GMNC: variants seen among roughly 807,000 people sequenced by gnomAD.
GMNC encodes geminin coiled-coil domain containing.
Under a neutral mutation model 33.6 loss-of-function variants are expected in GMNC, and 16 were observed. The observed-to-expected ratio is 0.48, with a 90% CI of 0.32 to 0.72. The LOEUF (loss-of-function observed/expected upper bound fraction) is 0.72. Ranked by LOEUF, GMNC falls within the 30% of genes least tolerant of loss-of-function variation. The pLI, the probability that GMNC is intolerant of heterozygous loss-of-function variation, is 0.03. For missense variants in GMNC, 393 were observed against 388.9 expected (o/e 1.01, Z -0.09); for synonymous variants, 156 against 147.3 (o/e 1.06, Z -0.43).
rs1284379756 is a variant in GMNC at position 190,858,973 on chromosome 3, T to A, written c.222A>T (p.Ser74=). ...GAGAGGAAAGCTGAGCCTCTTCCCATGAGCACAAGTCCGGAAGAGGAAAAT... is the reference window on the plus strand; with the variant it reads ...GAGAGGAAAGCTGAGCCTCTTCCCAAGAGCACAAGTCCGGAAGAGGAAAAT... ...DSNFPLPDLC[S]WEEAQLSSQL... Residue 74 remains serine (S), a synonymous_variant, in exon 3 of 5, where the codon TCA becomes TCT. Coordinates refer to ENST00000442080, the MANE Select transcript of GMNC (RefSeq NM_001146686.3). 6.4e-7 allele frequency: 1 copy of A among 1,550,594 alleles called. No individual in the cohort carries two copies. The highest frequency in any genetic ancestry group is 8.7e-7 in the Non-Finnish European group (1 of 1,146,206).
downstream of GMNC, among the ~76,000 whole-genome samples, chr3:190,848,196 T>G (rs1372279246): frequency 6.6e-6 from 1 of 152,236 alleles, no homozygotes; most frequent in East Asian, 1.9e-4. Context: ...TATACACTAC[T>G]TCCCTTTTAT....
At chr3:190,859,742 AAC>A in intron 2 of GMNC, 1 of 418,800 alleles carries the variant, frequency 2.4e-6, no homozygotes, top group Non-Finnish European at 4.8e-6. Context: ...TGGGCATACT[AAC>A]CAGGTCTACT....
chr3:190,846,316 A>C, the GMNC span, among the ~76,000 whole-genome samples: 4 of 152,220 alleles, frequency 2.6e-5, no homozygotes, highest in African/African-American at 9.6e-5. Context: ...GTTATAGTAC[A>C]TTCACAAATA....
downstream of GMNC, among the ~76,000 whole-genome samples, chr3:190,852,629 A>G (rs1737652621): frequency 6.6e-6 from 1 of 152,182 alleles, no homozygotes; most frequent in Non-Finnish European, 1.5e-5. Flanking sequence ...GCCCTAGAGA[A>G]GGGAAAGAAC....
At chr3:190,846,922 A>G in the GMNC span, among the ~76,000 whole-genome samples, 1 of 152,216 alleles carries the variant, frequency 6.6e-6, no homozygotes, top group Non-Finnish European at 1.5e-5. Context: ...TTAATCTTAT[A>G]ACTGGTGGAC....
the GMNC span, among the ~76,000 whole-genome samples, chr3:190,845,623 C>T: frequency 6.7e-6 from 1 of 150,248 alleles, no homozygotes; most frequent in Admixed American, 6.7e-5. Flanking sequence ...GATTCTCATG[C>T]CTCAGCCTCC....
intron 2 of GMNC, chr3:190,859,687 C>T (rs1737820613): frequency 6.7e-6 from 2 of 297,410 alleles, no homozygotes; most frequent in Middle Eastern, 4.1e-4. Flanking sequence ...GCCTTTTCCC[C>T]CCATATTTGA....
chr3:190,849,633 A>G (rs1428365036), downstream of GMNC, among the ~76,000 whole-genome samples: 1 of 152,184 alleles, frequency 6.6e-6, no homozygotes, highest in Non-Finnish European at 1.5e-5. Context: ...GAAATGAGAA[A>G]TTACCTAGAA....
In GMNC at chr3:190,854,676, G is replaced by A. The variant is rs1159925631; in HGVS notation, c.*619C>T. The A allele has an allele frequency of 6.6e-6, 1 of 152,402 alleles. No homozygotes were observed. Among genetic ancestry groups the A allele is most frequent in the Non-Finnish European group, 1.5e-5 (1 of 68,238 alleles). The allele number at this position is 152,402 out of a possible 1,614,324, so 9.4% of individuals were successfully genotyped here. A position where few individuals can be genotyped will look rare whatever the true frequency, so the allele number is the denominator to read the frequency against. ...TTTATCTGTGATATTGATTATTAGT[G>A]GAGTTACAGTTGTTTTAAGAGGCTT... On this transcript the variant is annotated 3_prime_UTR_variant, in exon 5 of 5. Coordinates refer to ENST00000442080, the MANE Select transcript of GMNC (RefSeq NM_001146686.3).
In GMNC at chr3:190,860,751, A is replaced by C; in HGVS notation, c.111T>G (p.Thr37=). Residue 37 remains threonine (T), a synonymous_variant, in exon 2 of 5, where the codon ACT becomes ACG. Transcript: ENST00000442080. ...GACCAGCAGCCCAGAAAGAGACCCA[A>C]GTCTCCGTGGAAACGTCAACACTAG... is the stretch of plus-strand genomic sequence containing the variant. ...SESSVDVSTE[T]WVSFWAAGLL... is the part of the protein sequence containing the mutation. The C allele has an allele frequency of 6.4e-7, 1 of 1,551,586 alleles. No homozygotes were observed. The highest frequency in any genetic ancestry group is 1.2e-5 in the South Asian group (1 of 84,050).
the GMNC span, among the ~76,000 whole-genome samples, chr3:190,845,083 G>A: frequency 6.6e-6 from 1 of 152,068 alleles, no homozygotes; most frequent in South Asian, 2.1e-4. Flanking sequence ...ATTGACCAGA[G>A]AGCTTAGAAA....
rs1737704822 is a variant in GMNC, at chr3:190,855,248, T to C, written c.*47A>G. ...GTCAAATTCAAGTGCAAGAGAGGTC[T>C]TTGTAAACAGAGTTCGTGGCAGTGC... is the stretch of plus-strand genomic sequence containing the variant. On this transcript the variant is annotated 3_prime_UTR_variant, in exon 5 of 5. Transcript: ENST00000442080. The C allele has an allele frequency of 6.5e-7, 1 of 1,528,300 alleles. No homozygotes were observed. Among genetic ancestry groups the C allele is most frequent in the Non-Finnish European group, 8.8e-7 (1 of 1,133,124 alleles). The allele number at this position is 1,528,300 out of a possible 1,614,324, so 94.7% of individuals were successfully genotyped here.
Position 190,862,673 on chromosome 3 carries a change from A to G in GMNC, c.-58T>C. The G allele has an allele frequency of 6.4e-7, 1 of 1,551,722 alleles. No homozygotes were observed. The highest frequency in any genetic ancestry group is 1.2e-5 in the South Asian group (1 of 84,042). On this transcript the variant is annotated 5_prime_UTR_variant, in exon 1 of 5. Transcript: ENST00000442080. The surrounding 1 kb of genome is among the most constrained non-coding windows in gnomAD (Gnocchi z 4.5). ...GCCCACTCAATTTTTCAGTAAAACC[A>G]GTGGGAGCTTTAAATGAGACTGAGG...
chr3:190,855,659 G>GA lies in GMNC; in HGVS notation c.640dup (p.Ser214PhefsTer16). 6.4e-7 allele frequency: 1 copy of GA among 1,551,608 alleles called. No individual in the cohort carries two copies. The highest frequency in any genetic ancestry group is 8.7e-7 in the Non-Finnish European group (1 of 1,146,920). ...TGTGCTGGCGACTCTTCTGGGATGAGATGCGAGGGCACTGTAGTTAGCTGA... is the reference window on the plus strand; with the variant it reads ...TGTGCTGGCGACTCTTCTGGGATGAGAATGCGAGGGCACTGTAGTTAGCTGA... On this transcript the variant is annotated frameshift_variant, in exon 5 of 5. Coordinates refer to ENST00000442080, the MANE Select transcript of GMNC (RefSeq NM_001146686.3). LOFTEE classifies it high-confidence loss of function.
chr3:190,858,623 C>T lies in GMNC; in HGVS notation c.267+305G>A, dbSNP rs564353584. ...CATTATATCATTCGATCTTTTCAAA[C>T]GCTCTCTGAGATAGGCAGTACAAGG... On this transcript the variant is annotated intron_variant, in intron 3 of 4. Coordinates refer to ENST00000442080, the MANE Select transcript of GMNC (RefSeq NM_001146686.3). 2.0e-4 allele frequency among the ~76,000 whole-genome samples: 31 copies of T among 152,326 alleles called. No homozygotes were observed. The East Asian group carries it at 3.3e-3, about 16-fold the overall frequency.
rs1235327244 is a variant in GMNC, at chr3:190,853,320, A to C, written c.*1975T>G. 1.3e-5 allele frequency: 2 copies of C among 152,070 alleles called. No individual in the cohort carries two copies. The highest frequency in any genetic ancestry group is 2.9e-5 in the Non-Finnish European group (2 of 67,980). 9.4% of individuals were successfully genotyped at this position (152,070 alleles called of 1,614,324 possible). A position where few individuals can be genotyped will look rare whatever the true frequency, so the allele number is the denominator to read the frequency against. Reference sequence around the variant, plus strand: ...TAAAGTACAATAATTCGAATCCTTAAATCTCTTATTCTAAAAAGCGACAAA... The same window carrying C: ...TAAAGTACAATAATTCGAATCCTTACATCTCTTATTCTAAAAAGCGACAAA... On this transcript the variant is annotated 3_prime_UTR_variant, in exon 5 of 5. Coordinates refer to ENST00000442080, the MANE Select transcript of GMNC (RefSeq NM_001146686.3).
At chr3:190,846,456 A>G in the GMNC span, among the ~76,000 whole-genome samples, 5 of 152,344 alleles carry the variant, frequency 3.3e-5, no homozygotes, top group East Asian at 9.6e-4. Flanking sequence ...ATTCACATAT[A>G]CATATGTGTG....
chr3:190,861,713 C>G lies in GMNC; in HGVS notation c.4-855G>C, dbSNP rs1024012041. The stretch of plus-strand genomic sequence containing the variant: ...CATGTATTCTCCACTGTGTTCTGAT[C>G]CAGTGAACACTCTCCTGCCTTCCAC... On this transcript the variant is annotated intron_variant, in intron 1 of 4. Coordinates refer to ENST00000442080, the MANE Select transcript of GMNC (RefSeq NM_001146686.3). This position sits in a 1 kb window ranked among gnomAD's most constrained non-coding sequence, Gnocchi z 5.1. 6.6e-6 allele frequency among the ~76,000 whole-genome samples: 1 copy of G among 152,152 alleles called. No individual in the cohort carries two copies. The highest frequency in any genetic ancestry group is 2.1e-4 in the South Asian group (1 of 4,832).
chr3:190,859,709 A>G (rs903550711), intron 2 of GMNC: 5 of 362,234 alleles, frequency 1.4e-5, no homozygotes, highest in Admixed American at 3.5e-5. Context: ...AGTCAGCTCT[A>G]TCTATCAATA....
Sources: allele counts gnomAD v4.1 joint callset (sites outside exome capture counted in the v4.1 genomes callset), GRCh38; gene constraint gnomAD v4.1.1; non-coding constraint Gnocchi (gnomAD v3.1); transcripts MANE v1.5; gene names NCBI Gene and HGNC (gene_info 2026-07-23, HGNC 2026-07-21).